TNS3: variants seen among roughly 807,000 people sequenced by gnomAD.
The protein encoded by TNS3 is tensin 3.
TNS3 carries 45 observed loss-of-function variants against 140.9 expected under a neutral mutation model. The ratio of observed to expected loss-of-function variants is 0.32; its 90% CI spans 0.25 to 0.41. The LOEUF (loss-of-function observed/expected upper bound fraction) is 0.41. TNS3 is among the 10% of genes least tolerant of loss of function. The pLI, the probability that TNS3 is intolerant of heterozygous loss-of-function variation, is 1.00. For missense variants in TNS3, 1,716 were observed against 1,906.7 expected (o/e 0.90, Z 1.86); for synonymous variants, 815 against 788.4 (o/e 1.03, Z -0.56).
intron 5 of TNS3, among the ~76,000 whole-genome samples, chr7:47,440,487 G>GGAGGGAA (rs1259005966): frequency 6.6e-5 from 10 of 152,206 alleles, no homozygotes; most frequent in Non-Finnish European, 1.3e-4. Flanking sequence ...AGACTGTGGA[G>GGAGGGAA]GAGGGAAGAG....
chr7:47,293,594 C>T, intron 25 of TNS3, 139 bp downstream of exon 25: 1 of 705,714 alleles, frequency 1.4e-6, no homozygotes, highest in Admixed American at 2.6e-5. Flanking sequence ...TAATGCAGAT[C>T]AGCAGGATTT....
chr7:47,530,213 A>G (rs1323945699), intron 1 of TNS3, among the ~76,000 whole-genome samples: 1 of 152,216 alleles, frequency 6.6e-6, no homozygotes, highest in Admixed American at 6.5e-5. Context: ...TCAAACATTC[A>G]TTGAGGAAAA....
At chr7:47,553,950 G>C (rs906083846) in intron 1 of TNS3, among the ~76,000 whole-genome samples, 2 of 151,918 alleles carry the variant, frequency 1.3e-5, no homozygotes, top group African/African-American at 4.8e-5. Flanking sequence ...GATTACAGGA[G>C]GCTGCCACCA....
intron 13 of TNS3, chr7:47,405,539 C>T (rs1309447203): frequency 8.5e-6 from 6 of 702,782 alleles, no homozygotes; most frequent in African/African-American, 7.0e-5. Flanking sequence ...TTCAGATGTT[C>T]GCAATATTGT....
intron 27 of TNS3, among the ~76,000 whole-genome samples, chr7:47,284,753 G>A (rs978121712): frequency 1.3e-5 from 2 of 152,230 alleles, no homozygotes; most frequent in African/African-American, 4.8e-5. Context: ...GAGCATGTGG[G>A]TGTCTTAATT....
intron 3 of TNS3, among the ~76,000 whole-genome samples, chr7:47,501,932 G>A (rs897345040): frequency 1.3e-5 from 2 of 152,140 alleles, no homozygotes; most frequent in Non-Finnish European, 2.9e-5. Context: ...CCAAGCGGGA[G>A]AGACGCTCAA....
intron 27 of TNS3, among the ~76,000 whole-genome samples, chr7:47,287,598 T>C (rs763487684): frequency 3.3e-5 from 5 of 152,236 alleles, no homozygotes; most frequent in Non-Finnish European, 5.9e-5. Context: ...GCACTGATTC[T>C]AAACACCTGC....
At chr7:47,352,141 A>C (rs1425489916) in intron 17 of TNS3, among the ~76,000 whole-genome samples, 1 of 151,962 alleles carries the variant, frequency 6.6e-6, no homozygotes, top group African/African-American at 2.4e-5. Flanking sequence ...TTACACTCAC[A>C]CACCCTTGCA....
At chr7:47,408,036 T>C (rs1584588761) in intron 13 of TNS3, among the ~76,000 whole-genome samples, 1 of 151,352 alleles carries the variant, frequency 6.6e-6, no homozygotes, top group East Asian at 2.0e-4. Context: ...GGCTGGCGGG[T>C]TCCAGTGGCC....
chr7:47,421,063 A>T (rs1330020201), intron 10 of TNS3, among the ~76,000 whole-genome samples: 4 of 152,058 alleles, frequency 2.6e-5, no homozygotes, highest in Non-Finnish European at 5.9e-5. Flanking sequence ...GGCAGGCAAC[A>T]CTCAGGAGAG....
chr7:47,523,096 A>G (rs1314610178), intron 2 of TNS3, among the ~76,000 whole-genome samples: 1 of 152,120 alleles, frequency 6.6e-6, no homozygotes, highest in Admixed American at 6.5e-5. Flanking sequence ...GTCCAAGGTC[A>G]AGGCACCACA....
intron 17 of TNS3, among the ~76,000 whole-genome samples, chr7:47,356,649 G>C (rs1790009281): frequency 6.6e-6 from 1 of 152,208 alleles, no homozygotes; most frequent in African/African-American, 2.4e-5. Flanking sequence ...TTACACAAAA[G>C]TAACTAGGTA....
At chr7:47,355,956 C>T (rs1213907458) in intron 17 of TNS3, among the ~76,000 whole-genome samples, 1 of 152,312 alleles carries the variant, frequency 6.6e-6, no homozygotes, top group African/African-American at 2.4e-5. Context: ...TCACTGCATT[C>T]TCTCCACTGT....
intron 2 of TNS3, among the ~76,000 whole-genome samples, chr7:47,520,693 C>T (rs1001786608): frequency 3.0e-4 from 46 of 152,164 alleles, no homozygotes; most frequent in African/African-American, 1.1e-3. Flanking sequence ...ATCGGATAAC[C>T]ACCACCGACC....
intron 16 of TNS3, among the ~76,000 whole-genome samples, chr7:47,378,830 G>A (rs1325238832): frequency 6.6e-6 from 1 of 152,170 alleles, no homozygotes; most frequent in Non-Finnish European, 1.5e-5. Context: ...CCCCTCAGCA[G>A]TGAGAGAACA....
chr7:47,543,039 C>A (rs1387778598), intron 1 of TNS3, among the ~76,000 whole-genome samples: 1 of 152,160 alleles, frequency 6.6e-6, no homozygotes, highest in Non-Finnish European at 1.5e-5. Flanking sequence ...GAAATTGAGC[C>A]TGGCCCTCTC....
At chr7:47,549,021 G>C (rs886751401) in intron 1 of TNS3, among the ~76,000 whole-genome samples, 1 of 151,992 alleles carries the variant, frequency 6.6e-6, no homozygotes, top group African/African-American at 2.4e-5. Flanking sequence ...GCCCCAAAAA[G>C]GCCCAGTTCC....
chr7:47,346,206 G>A lies in TNS3; in HGVS notation c.2432C>T (p.Ser811Leu), dbSNP rs1188603216. 23 of 1,614,078 alleles carry A rather than the reference G, an allele frequency of 1.4e-5. No individual in the cohort carries two copies. Among genetic ancestry groups the A allele is most frequent in the Non-Finnish European group, 1.9e-5 (23 of 1,180,030 alleles). The change falls in exon 18 of 31, where the codon TCA becomes TTA. Residue 811 changes from serine to leucine, a missense_variant. Ser to Leu is a moderately radical substitution (Grantham distance 145, BLOSUM62 -2). This residue lies in a region of TNS3 where 1,163 missense variants were observed against 1,182.1 expected (regional missense o/e 0.98). Coordinates refer to ENST00000311160, the MANE Select transcript of TNS3 (RefSeq NM_022748.12). ...ACATACCTCTTTGACGTCCGCTGGT[G>A]AGGGGAATGGCGGCAGGTTTGGGGC... ...DYAPNLPPFP[S>L]PADVKETMTP...
At chr7:47,452,833 C>G (rs1477752608) in intron 4 of TNS3, 8 of 776,574 alleles carry the variant, frequency 1.0e-5, no homozygotes, top group Non-Finnish European at 1.3e-5. Flanking sequence ...CACTGCAAAG[C>G]AGCCAGTACC....
Sources: gnomAD v4.1 joint callset for allele counts (sites outside exome capture counted in the v4.1 genomes callset) on GRCh38, gnomAD v4.1.1 for gene constraint, gnomAD v4.1.1 regional missense constraint, MANE v1.5 for transcripts, NCBI Gene and HGNC (gene_info 2026-07-23, HGNC 2026-07-21) for gene names.